Variants in PAPPA2 observed in about 807,000 individuals in gnomAD.
PAPPA2 encodes the protein pappalysin 2.
In PAPPA2, 86 loss-of-function variants were observed where a neutral mutation model predicts 176.4. The ratio of observed to expected loss-of-function variants is 0.49; its 90% CI spans 0.41 to 0.58. The LOEUF (loss-of-function observed/expected upper bound fraction) is 0.58. Among genes scored for constraint, PAPPA2 ranks in the 20% least tolerant of loss-of-function variants. The probability of loss-of-function intolerance (pLI) is 0.00; values close to 1 mark genes in which losing one functional copy is unlikely to be tolerated. For missense variants in PAPPA2, 2,073 were observed against 2,256.9 expected, an observed-to-expected ratio of 0.92 and a Z score of 1.65; for synonymous variants, 809 against 852.2, an observed-to-expected ratio of 0.95 and a Z score of 0.88.
At chr1:176,564,410 G>C (rs1444468505) in intron 2 of PAPPA2, among the ~76,000 whole-genome samples, 1 of 152,246 alleles carries the variant, frequency 6.6e-6, no homozygotes, top group Admixed American at 6.5e-5. Flanking sequence ...AGCAGTCGTA[G>C]ATGATATGTA....
chr1:176,558,638 A>G lies in PAPPA2; in HGVS notation c.919+1397A>G, dbSNP rs183617210. The stretch of plus-strand genomic sequence containing the variant: ...AGTTAGGTGGGGGAAGAGAAAGAGT[A>G]GAAGGAAATCCTTATTCTGGGGCCA... On this transcript the variant is annotated intron_variant, in intron 2 of 22. Coordinates refer to ENST00000367662, the MANE Select transcript of PAPPA2 (RefSeq NM_020318.3). Among the ~76,000 whole-genome samples the G allele has an allele frequency of 3.0e-4, 45 of 152,316 alleles. No individual in the cohort carries two copies. The East Asian group carries it at 3.7e-3, about 12-fold the overall frequency.
intron 3 of PAPPA2, chr1:176,616,478 G>T: frequency 1.3e-6 from 1 of 759,078 alleles, no homozygotes; most frequent in Non-Finnish European, 2.2e-6. Flanking sequence ...GGCCTACAAT[G>T]CAATTAACAG....
chr1:176,807,488 T>G (rs1263114636), intron 21 of PAPPA2, among the ~76,000 whole-genome samples: 1 of 150,924 alleles, frequency 6.6e-6, no homozygotes, highest in East Asian at 1.9e-4. Context: ...ATATTTTCTT[T>G]CTTTCTTTCT....
intron 1 of PAPPA2, among the ~76,000 whole-genome samples, chr1:176,535,358 T>C (rs1422164533): frequency 6.6e-6 from 1 of 152,208 alleles, no homozygotes; most frequent in Non-Finnish European, 1.5e-5. Context: ...CCTATTTTGC[T>C]AACCTCTAGA....
intron 4 of PAPPA2, among the ~76,000 whole-genome samples, chr1:176,687,732 T>C (rs1256810351): frequency 6.6e-6 from 1 of 152,176 alleles, no homozygotes; most frequent in Non-Finnish European, 1.5e-5. Context: ...AGAAGGTAAC[T>C]ATTGATTGGA....
intron 17 of PAPPA2, among the ~76,000 whole-genome samples, chr1:176,787,593 T>G (rs1487668984): frequency 6.6e-6 from 1 of 152,204 alleles, no homozygotes; most frequent in Non-Finnish European, 1.5e-5. Context: ...ATCTAAATAA[T>G]TATTTAACAA....
chr1:176,718,830 A>G (rs1661490056), intron 12 of PAPPA2, among the ~76,000 whole-genome samples: 1 of 151,970 alleles, frequency 6.6e-6, no homozygotes, highest in Admixed American at 6.6e-5. Flanking sequence ...TAAGTATTAC[A>G]TGTACTTTGA....
At chr1:176,742,550 A>G (rs1662735397) in intron 14 of PAPPA2, among the ~76,000 whole-genome samples, 2 of 152,214 alleles carry the variant, frequency 1.3e-5, no homozygotes, top group East Asian at 1.9e-4. Flanking sequence ...TTTCCAAACC[A>G]CATGTGACTG....
intron 1 of PAPPA2, among the ~76,000 whole-genome samples, chr1:176,528,937 T>C (rs1405758963): frequency 6.6e-6 from 1 of 152,198 alleles, no homozygotes; most frequent in Non-Finnish European, 1.5e-5. Context: ...CCTTTTATGA[T>C]TCCCTGCAGT....
intron 20 of PAPPA2, 42 bp downstream of exon 20, chr1:176,793,711 G>T (rs746657494): frequency 1.4e-6 from 2 of 1,444,184 alleles, no homozygotes; most frequent in Non-Finnish European, 1.9e-6. Context: ...ACATGAGTCT[G>T]CTGAGCAACA....
rs1558479036 is a variant in PAPPA2 at position 176,623,614 on chromosome 1, C to CTTT, written c.1991+28019_1991+28020insTTT. Among the ~76,000 whole-genome samples, 464 of 88,110 alleles carry CTTT rather than the reference C, an allele frequency of 5.3e-3. 5 individuals are homozygous for CTTT. Among genetic ancestry groups the CTTT allele is most frequent in the African/African-American group, 8.7e-3 (168 of 19,324 alleles). 57.8% of individuals were successfully genotyped at this position (88,110 alleles called of 152,430 possible). On this transcript the variant is annotated intron_variant, in intron 3 of 22. Transcript: ENST00000367662. ...TCCTTCCTTCCTTCCTTCCTTCCTTCCTTCCTTCCTTTTTTACTTTCTTTC... is the reference window on the plus strand; with the variant it reads ...TCCTTCCTTCCTTCCTTCCTTCCTTCTTTCTTCCTTCCTTTTTTACTTTCTTTC...
intron 17 of PAPPA2, among the ~76,000 whole-genome samples, chr1:176,776,341 G>A (rs920680538): frequency 1.1e-4 from 17 of 152,022 alleles, no homozygotes; most frequent in African/African-American, 4.1e-4. Flanking sequence ...TAAGTCACTC[G>A]TCAAGATGCC....
intron 1 of PAPPA2, among the ~76,000 whole-genome samples, chr1:176,486,317 T>C (rs1048449663): frequency 2.0e-5 from 3 of 152,204 alleles, no homozygotes; most frequent in Non-Finnish European, 4.4e-5. Context: ...AATCAAAGAA[T>C]TAATGTCTTC....
chr1:176,723,818 C>A (rs985090868), intron 12 of PAPPA2, among the ~76,000 whole-genome samples: 9 of 151,990 alleles, frequency 5.9e-5, no homozygotes, highest in African/African-American at 1.9e-4. Flanking sequence ...AATGTAGAGT[C>A]TTTTTTATTA....
intron 1 of PAPPA2, among the ~76,000 whole-genome samples, chr1:176,482,065 A>G (rs1652429814): frequency 6.6e-6 from 1 of 152,200 alleles, no homozygotes. Flanking sequence ...AATTAATACC[A>G]AAACAAAGAG....
At chr1:176,687,321 T>G (rs1659883726) in intron 4 of PAPPA2, among the ~76,000 whole-genome samples, 1 of 152,202 alleles carries the variant, frequency 6.6e-6, no homozygotes, top group South Asian at 2.1e-4. Context: ...CCAATTGTCC[T>G]GGGTATGGAG....
intron 12 of PAPPA2, among the ~76,000 whole-genome samples, chr1:176,734,407 C>T (rs937270046): frequency 6.6e-6 from 1 of 151,966 alleles, no homozygotes; most frequent in East Asian, 1.9e-4. Context: ...CACACACACA[C>T]ACACACACAC....
chr1:176,464,611 A>T (rs1162707626), intron 1 of PAPPA2, among the ~76,000 whole-genome samples: 1 of 152,204 alleles, frequency 6.6e-6, no homozygotes, highest in Non-Finnish European at 1.5e-5. Flanking sequence ...AGATGAAAAG[A>T]TATAGCTTTT....
chr1:176,689,342 A>G (rs1034477620), intron 4 of PAPPA2, among the ~76,000 whole-genome samples: 5 of 152,154 alleles, frequency 3.3e-5, no homozygotes, highest in Non-Finnish European at 7.4e-5. Flanking sequence ...GATTGGATGC[A>G]ATGAACTCTT....
Sources: allele counts gnomAD v4.1 joint callset (sites outside exome capture counted in the v4.1 genomes callset), GRCh38; gene constraint gnomAD v4.1.1; transcripts MANE v1.5; gene names NCBI Gene and HGNC (gene_info 2026-07-23, HGNC 2026-07-21).